SIDT1: variants seen among roughly 807,000 people sequenced by gnomAD.
SIDT1 encodes the protein SID1 transmembrane family, member 1.
Under a neutral mutation model 107.5 loss-of-function variants are expected in SIDT1, and 101 were observed. The observed-to-expected ratio is 0.94, with a 90% CI of 0.80 to 1.11. The LOEUF (loss-of-function observed/expected upper bound fraction) is 1.11, where lower values mean the gene tolerates loss of function less well. Ranked by LOEUF, SIDT1 falls within the 50% of genes least tolerant of loss-of-function variation. SIDT1 has a pLI of 0.00. For synonymous variants in SIDT1, 395 were observed against 398.2 expected (o/e 0.99, Z 0.10); for missense variants, 1,076 against 1,058.2 (o/e 1.02, Z -0.23).
intron 1 of SIDT1, among the ~76,000 whole-genome samples, chr3:113,549,202 G>T (rs1259609254): frequency 6.6e-6 from 1 of 152,100 alleles, no homozygotes; most frequent in Non-Finnish European, 1.5e-5. Context: ...TATGAATAAA[G>T]CTGCTATAAA....
rs56197161 is a variant in SIDT1, at chr3:113,562,168, C to T, written c.223-4252C>T. ...TCCACAATGAGATGCAACTTTACAC[C>T]CACTAGGATGGCTATATTCAAAAAA... On this transcript the variant is annotated intron_variant, in intron 1 of 24. Coordinates refer to ENST00000264852, the MANE Select transcript of SIDT1 (RefSeq NM_017699.3). Among the ~76,000 whole-genome samples the T allele has an allele frequency of 8.0e-3, 1,216 of 152,050 alleles. 13 individuals are homozygous for T. The highest frequency in any genetic ancestry group is 0.011 in the Non-Finnish European group (735 of 67,976).
intron 1 of SIDT1, among the ~76,000 whole-genome samples, chr3:113,545,345 CTCATT>C (rs1007794116): frequency 2.0e-5 from 3 of 151,940 alleles, no homozygotes; most frequent in Non-Finnish European, 4.4e-5. Context: ...TTTTTCTTCT[CTCATT>C]TATTTATTTA....
At chr3:113,634,143 GGAT>G (rs1166815047), downstream of SIDT1, among the ~76,000 whole-genome samples, 2 of 152,062 alleles carry the variant, frequency 1.3e-5, no homozygotes, top group African/African-American at 4.8e-5. Flanking sequence ...ATTGGAGTGG[GGAT>G]GATTTTATTC....
intron 15 of SIDT1, among the ~76,000 whole-genome samples, chr3:113,607,374 T>A (rs1945411497): frequency 6.6e-6 from 1 of 152,212 alleles, no homozygotes; most frequent in Non-Finnish European, 1.5e-5. Context: ...CTAGCTCTGG[T>A]GGCATTTGTT....
Position 113,584,721 on chromosome 3 carries a change from C to G in SIDT1, c.859C>G (p.Leu287Val), listed in dbSNP as rs539087160. 6.3e-7 allele frequency: 1 copy of G among 1,599,846 alleles called. No individual in the cohort carries two copies. Among genetic ancestry groups the G allele is most frequent in the South Asian group, 1.1e-5 (1 of 87,544 alleles). The change falls in exon 8 of 25, where the codon CTA becomes GTA. Residue 287 changes from leucine to valine, a missense_variant. Physicochemically the swap from Leu to Val is conservative, Grantham distance 32. Transcript: ENST00000264852. ...IQEKENQTWNLQRKKNLEVTI... is the reference protein window; with the variant it reads ...IQEKENQTWNVQRKKNLEVTI... Reference sequence around the variant, plus strand: ...AGAAAAGGAAAACCAGACCTGGAATCTACAGCGAAAAAAGAACCTTGAAGT... The same window carrying G: ...AGAAAAGGAAAACCAGACCTGGAATGTACAGCGAAAAAAGAACCTTGAAGT...
At chr3:113,586,029 T>C (rs1210910636) in intron 9 of SIDT1, among the ~76,000 whole-genome samples, 3 of 152,208 alleles carry the variant, frequency 2.0e-5, no homozygotes, top group East Asian at 3.9e-4. Flanking sequence ...AAAGCCAGAA[T>C]TGAGTTTTGA....
chr3:113,599,829 TTAA>T (rs1944831747), intron 10 of SIDT1, among the ~76,000 whole-genome samples: 1 of 152,084 alleles, frequency 6.6e-6, no homozygotes, highest in South Asian at 2.1e-4. Context: ...ATATATATAG[TTAA>T]TAATATTGCA....
intron 1 of SIDT1, among the ~76,000 whole-genome samples, chr3:113,563,615 T>C (rs1172917921): frequency 3.3e-5 from 5 of 152,222 alleles, no homozygotes; most frequent in African/African-American, 7.2e-5. Context: ...ATTGCTGTTT[T>C]GTGAGCTGCT....
At chr3:113,537,828 G>A (rs1357210558) in intron 1 of SIDT1, among the ~76,000 whole-genome samples, 4 of 152,206 alleles carry the variant, frequency 2.6e-5, no homozygotes, top group Non-Finnish European at 5.9e-5. Context: ...TGTCACCCAG[G>A]CTGGAGTGCA....
intron 9 of SIDT1, among the ~76,000 whole-genome samples, chr3:113,588,521 G>A (rs1241338035): frequency 1.3e-5 from 2 of 152,216 alleles, no homozygotes; most frequent in Admixed American, 6.5e-5. Context: ...ATTGATCAGA[G>A]ACATGGCCCT....
intron 1 of SIDT1, among the ~76,000 whole-genome samples, chr3:113,544,849 C>T (rs1293596250): frequency 1.3e-5 from 2 of 152,080 alleles, no homozygotes; most frequent in Non-Finnish European, 2.9e-5. Flanking sequence ...TGCGGCGGCT[C>T]AAGCCTGTAG....
intron 20 of SIDT1, 123 bp downstream of exon 20, chr3:113,616,299 C>A: frequency 1.4e-6 from 1 of 723,772 alleles, no homozygotes; most frequent in South Asian, 1.6e-5. Flanking sequence ...CCCAGGGTGG[C>A]TAAAGGCCCA....
chr3:113,620,815 G>A (rs1946416222), intron 21 of SIDT1, among the ~76,000 whole-genome samples: 1 of 152,130 alleles, frequency 6.6e-6, no homozygotes, highest in Admixed American at 6.6e-5. Context: ...GGAGAAAAGG[G>A]ACCAACCTCT....
intron 1 of SIDT1, among the ~76,000 whole-genome samples, chr3:113,563,151 T>C (rs149910167): frequency 1.3e-5 from 2 of 152,268 alleles, no homozygotes; most frequent in Non-Finnish European, 2.9e-5. Context: ...GATCTGTTGG[T>C]AGGCAAAGAA....
chr3:113,542,868 T>C (rs1939073668), intron 1 of SIDT1, among the ~76,000 whole-genome samples: 9 of 152,016 alleles, frequency 5.9e-5, no homozygotes. Context: ...CAGGGCTTTT[T>C]CTAGGAAGAG....
downstream of SIDT1, chr3:113,632,849 G>C (rs1195695678): frequency 6.6e-6 from 1 of 152,270 alleles, no homozygotes; most frequent in Non-Finnish European, 1.5e-5. Context: ...GTGACCTCCC[G>C]GGAGCAGGGG....
At chr3:113,555,960 A>G (rs1940814025) in intron 1 of SIDT1, among the ~76,000 whole-genome samples, 1 of 151,792 alleles carries the variant, frequency 6.6e-6, no homozygotes, top group African/African-American at 2.4e-5. Context: ...GAATGGAAAC[A>G]GCTCTGCCTT....
At chr3:113,557,845 C>T (rs1941042049) in intron 1 of SIDT1, among the ~76,000 whole-genome samples, 1 of 152,158 alleles carries the variant, frequency 6.6e-6, no homozygotes, top group South Asian at 2.1e-4. Context: ...CAATGTAATA[C>T]CAACTTCACC....
intron 1 of SIDT1, among the ~76,000 whole-genome samples, chr3:113,540,565 T>G (rs533570074): frequency 3.9e-4 from 60 of 152,344 alleles, no homozygotes; most frequent in Non-Finnish European, 7.8e-4. Flanking sequence ...CTGTTAGTGC[T>G]GTCAACTTGT....
Sources: gnomAD v4.1 joint callset for allele counts (sites outside exome capture counted in the v4.1 genomes callset) on GRCh38, gnomAD v4.1.1 for gene constraint, MANE v1.5 for transcripts, NCBI Gene and HGNC (gene_info 2026-07-23, HGNC 2026-07-21) for gene names.